Variants in EPHB1 observed in about 807,000 individuals in gnomAD.
EPHB1 encodes the protein EPH receptor B1, also known as ephrin type-B receptor 1.
In EPHB1, 30 loss-of-function variants were observed where a neutral mutation model predicts 94.4. That is an observed-to-expected ratio of 0.32 (90% confidence interval 0.24 to 0.43). EPHB1 has a LOEUF of 0.43. Among genes scored for constraint, EPHB1 ranks in the 20% least tolerant of loss-of-function variants. EPHB1 has a pLI of 1.00. For missense variants in EPHB1, 1,055 were observed against 1,308.3 expected (o/e 0.81, Z 2.99); for synonymous variants, 522 against 489.1 (o/e 1.07, Z -0.89).
chr3:135,145,204 T>G (rs1410740963), intron 5 of EPHB1, among the ~76,000 whole-genome samples: 1 of 152,194 alleles, frequency 6.6e-6, no homozygotes, highest in Non-Finnish European at 1.5e-5. Flanking sequence ...AGAATAGAAA[T>G]GTCAGAGGGA....
In EPHB1 at chr3:135,084,712, C is replaced by T. The variant is rs114779317; in HGVS notation, c.806-21736C>T. ...TCCGTGGTTATACCCAGCAGCTCCA[C>T]GGTCCTTCTATTGTGAGATATTGTA... On this transcript the variant is annotated intron_variant, in intron 3 of 15. Coordinates refer to ENST00000398015, the MANE Select transcript of EPHB1 (RefSeq NM_004441.5). Among the ~76,000 whole-genome samples the T allele has an allele frequency of 5.9e-3, 905 of 152,262 alleles. 5 individuals are homozygous for T. Among genetic ancestry groups the T allele is most frequent in the Middle Eastern group, 0.02 (6 of 294 alleles).
At chr3:134,970,889 A>C (rs769419924) in intron 3 of EPHB1, among the ~76,000 whole-genome samples, 7 of 152,244 alleles carry the variant, frequency 4.6e-5, no homozygotes, top group Non-Finnish European at 8.8e-5. Flanking sequence ...TAAGCAATTA[A>C]ACCATTTTCC....
At chr3:135,098,300 C>T (rs976819877) in intron 3 of EPHB1, among the ~76,000 whole-genome samples, 26 of 151,886 alleles carry the variant, frequency 1.7e-4, no homozygotes, top group Admixed American at 6.6e-5. Flanking sequence ...TGTCACCATT[C>T]CCAGATTTTA....
chr3:134,978,264 C>T (rs1292458085), intron 3 of EPHB1, among the ~76,000 whole-genome samples: 4 of 152,154 alleles, frequency 2.6e-5, no homozygotes, highest in East Asian at 1.9e-4. Flanking sequence ...TCTTGTCTTC[C>T]GGGATCCTGC....
At chr3:135,069,396 T>C (rs73864244) in intron 3 of EPHB1, among the ~76,000 whole-genome samples, 6,325 of 152,176 alleles carry the variant, frequency 0.042, 465 homozygotes, top group African/African-American at 0.15. Context: ...TTTTGAGTTA[T>C]TGGGGAGTAA....
intron 3 of EPHB1, among the ~76,000 whole-genome samples, chr3:135,031,050 C>G (rs923427290): frequency 6.6e-5 from 10 of 152,216 alleles, no homozygotes; most frequent in Non-Finnish European, 1.2e-4. Context: ...CTTGCGCTTC[C>G]CGAGTCAGGC....
chr3:135,212,652 CA>C (rs1943057393), intron 12 of EPHB1, among the ~76,000 whole-genome samples: 1 of 152,224 alleles, frequency 6.6e-6, no homozygotes, highest in African/African-American at 2.4e-5. Context: ...AACTCTCCAG[CA>C]GCCCTAATTG....
chr3:134,996,669 C>T (rs1935005524), intron 3 of EPHB1, among the ~76,000 whole-genome samples: 1 of 152,066 alleles, frequency 6.6e-6, no homozygotes, highest in African/African-American at 2.4e-5. Context: ...CAACAATGAT[C>T]ATTGTAATTC....
chr3:135,138,853 G>A (rs1327416130), intron 5 of EPHB1, among the ~76,000 whole-genome samples: 1 of 152,122 alleles, frequency 6.6e-6, no homozygotes, highest in Non-Finnish European at 1.5e-5. Flanking sequence ...TCTGGCATTG[G>A]GAAGGAACTT....
chr3:135,164,035 C>T (rs557063380), intron 7 of EPHB1, among the ~76,000 whole-genome samples: 1 of 152,284 alleles, frequency 6.6e-6, no homozygotes, highest in East Asian at 1.9e-4. Flanking sequence ...CTTAGCTACA[C>T]TGTTCTGATT....
At chr3:135,206,616 G>A (rs1384486575) in intron 12 of EPHB1, among the ~76,000 whole-genome samples, 1 of 152,166 alleles carries the variant, frequency 6.6e-6, no homozygotes, top group African/African-American at 2.4e-5. Flanking sequence ...TTGGGAGGCC[G>A]AGGTGGGTGG....
intron 1 of EPHB1, among the ~76,000 whole-genome samples, chr3:134,909,686 A>G (rs2038412094): frequency 6.6e-6 from 1 of 152,168 alleles, no homozygotes; most frequent in Non-Finnish European, 1.5e-5. Context: ...TTTTTCCTGA[A>G]GTCTGCTCTT....
intron 3 of EPHB1, among the ~76,000 whole-genome samples, chr3:135,076,694 A>G (rs771405977): frequency 2.0e-5 from 3 of 152,222 alleles, no homozygotes; most frequent in Non-Finnish European, 4.4e-5. Context: ...AACCATCCAA[A>G]TGTTTATCAA....
chr3:135,237,286 A>AC (rs1213021670), intron 12 of EPHB1, among the ~76,000 whole-genome samples: 1 of 126,394 alleles, frequency 7.9e-6, no homozygotes, highest in African/African-American at 3.6e-5. Flanking sequence ...CTACACACAC[A>AC]CACACACACA....
At chr3:134,844,449 G>A (rs763762408) in intron 1 of EPHB1, among the ~76,000 whole-genome samples, 2 of 152,170 alleles carry the variant, frequency 1.3e-5, no homozygotes, top group Non-Finnish European at 2.9e-5. Flanking sequence ...AATTGGGTAT[G>A]TGCACATCCT....
At chr3:135,013,877 A>C (rs528959080) in intron 3 of EPHB1, among the ~76,000 whole-genome samples, 1 of 152,340 alleles carries the variant, frequency 6.6e-6, no homozygotes, top group East Asian at 1.9e-4. Context: ...ACTTTAAAAA[A>C]GTCTGATGGA....
At chr3:135,099,363 G>A (rs1457976394) in intron 3 of EPHB1, among the ~76,000 whole-genome samples, 1 of 152,082 alleles carries the variant, frequency 6.6e-6, no homozygotes, top group Admixed American at 6.5e-5. Flanking sequence ...ATGGATGGAA[G>A]AATGGACAGA....
intron 12 of EPHB1, among the ~76,000 whole-genome samples, chr3:135,221,229 A>G (rs759080443): frequency 6.6e-6 from 1 of 152,212 alleles, no homozygotes; most frequent in Non-Finnish European, 1.5e-5. Flanking sequence ...TTAAGATAGC[A>G]TGTGTTCTTC....
rs926863800 is a variant in EPHB1 at position 135,004,353 on chromosome 3, T to G, written c.805+52301T>G. On this transcript the variant is annotated intron_variant, in intron 3 of 15. Coordinates refer to ENST00000398015, the MANE Select transcript of EPHB1 (RefSeq NM_004441.5). Reference sequence around the variant, plus strand: ...GCTGTTAGTCTGATGGTCTTCCCTTTGAGGGTAACCCGACCTTTCTCTCTG... The same window carrying G: ...GCTGTTAGTCTGATGGTCTTCCCTTGGAGGGTAACCCGACCTTTCTCTCTG... 9.5e-4 allele frequency among the ~76,000 whole-genome samples: 145 copies of G among 152,012 alleles called. 1 individual carries two copies. Among genetic ancestry groups the G allele is most frequent in the African/African-American group, 3.1e-3 (130 of 41,346 alleles).
Sources: gnomAD v4.1 joint callset for allele counts (sites outside exome capture counted in the v4.1 genomes callset) on GRCh38, gnomAD v4.1.1 for gene constraint, MANE v1.5 for transcripts, NCBI Gene and HGNC (gene_info 2026-07-23, HGNC 2026-07-21) for gene names.